The following SHROOM4 variants were observed in gnomAD, a reference collection of about 807,000 sequenced individuals.
SHROOM4 encodes shroom family member 4.
SHROOM4 carries 17 observed loss-of-function variants against 80.3 expected under a neutral mutation model. The ratio of observed to expected loss-of-function variants is 0.21; its 90% CI spans 0.14 to 0.32. The LOEUF (loss-of-function observed/expected upper bound fraction) is 0.32, where lower values mean the gene tolerates loss of function less well. Among genes scored for constraint, SHROOM4 ranks in the 10% least tolerant of loss-of-function variants. The pLI, the probability that SHROOM4 is intolerant of heterozygous loss-of-function variation, is 1.00. For synonymous variants in SHROOM4, 400 were observed against 437.5 expected (o/e 0.91, Z 1.07); for missense variants, 993 against 1,140.3 (o/e 0.87, Z 1.86).
chrX:50,795,146 G>T (rs2382664), intron 1 of SHROOM4, among the ~76,000 whole-genome samples: 1 of 3,068 alleles, frequency 3.3e-4, no homozygotes, highest in African/African-American at 6.0e-4. Context: ...ATATATATAT[G>T]ATATATATAT....
At chrX:50,712,263 T>C (rs1557264447) in intron 1 of SHROOM4, among the ~76,000 whole-genome samples, 1 of 111,794 alleles carries the variant, frequency 8.9e-6, no homozygotes, top group Non-Finnish European at 1.9e-5. Flanking sequence ...AGTGTTCATA[T>C]GTTTCAACTG....
At chrX:50,801,357 A>G (rs1936118711) in intron 1 of SHROOM4, among the ~76,000 whole-genome samples, 1 of 109,318 alleles carries the variant, frequency 9.1e-6, no homozygotes, top group Non-Finnish European at 1.9e-5. Flanking sequence ...GTTCCAGATC[A>G]CTGTCACTTA....
intron 2 of SHROOM4, among the ~76,000 whole-genome samples, chrX:50,667,028 A>T (rs1189396585): frequency 1.8e-5 from 2 of 112,059 alleles, no homozygotes; most frequent in Non-Finnish European, 3.8e-5. Context: ...GGGTGCCAGA[A>T]CAGCCAACCC....
chrX:50,607,116 G>C (rs1194724678), intron 6 of SHROOM4, among the ~76,000 whole-genome samples: 1 of 111,370 alleles, frequency 9.0e-6, no homozygotes, highest in Non-Finnish European at 1.9e-5. Flanking sequence ...CTTTAATAAA[G>C]ATATTTAGGG....
At chrX:50,638,135 A>G in intron 3 of SHROOM4, 39 bp downstream of exon 3, 1 of 1,188,365 alleles carries the variant, frequency 8.4e-7, no homozygotes, top group South Asian at 1.8e-5. Context: ...CAAGGTGTCT[A>G]CCCTCCAGCC....
intron 2 of SHROOM4, among the ~76,000 whole-genome samples, chrX:50,657,879 T>C (rs1932365642): frequency 8.9e-6 from 1 of 112,393 alleles, no homozygotes. Flanking sequence ...GAATTCATAT[T>C]GGGACTTATC....
downstream of SHROOM4, among the ~76,000 whole-genome samples, chrX:50,582,486 T>G (rs1361969466): frequency 8.9e-6 from 1 of 112,249 alleles, no homozygotes; most frequent in Non-Finnish European, 1.9e-5. Flanking sequence ...CTACCCGGAT[T>G]GTTCCCTCTC....
At chrX:50,748,279 GAGA>G (rs1463054986) in intron 1 of SHROOM4, among the ~76,000 whole-genome samples, 1 of 111,731 alleles carries the variant, frequency 9.0e-6, no homozygotes, top group Non-Finnish European at 1.9e-5. Context: ...GAGAGACTTG[GAGA>G]AGATTAGACC....
chrX:50,678,207 A>G (rs1932879366), intron 2 of SHROOM4, among the ~76,000 whole-genome samples: 1 of 111,657 alleles, frequency 9.0e-6, no homozygotes, highest in Non-Finnish European at 1.9e-5. Context: ...AGTAATTTTT[A>G]GCATCAAGAT....
chrX:50,736,752 A>G (rs1464717806), intron 1 of SHROOM4, among the ~76,000 whole-genome samples: 1 of 112,225 alleles, frequency 8.9e-6, no homozygotes, highest in Non-Finnish European at 1.9e-5. Flanking sequence ...TCCTTTGGGT[A>G]TATACCCAGT....
At chrX:50,744,470 T>C (rs1934733782) in intron 1 of SHROOM4, among the ~76,000 whole-genome samples, 1 of 111,823 alleles carries the variant, frequency 8.9e-6, no homozygotes, top group Non-Finnish European at 1.9e-5. Context: ...TTCATTGATA[T>C]TCTTTATTTG....
At chrX:50,675,842 T>A in intron 2 of SHROOM4, among the ~76,000 whole-genome samples, 1 of 111,578 alleles carries the variant, frequency 9.0e-6, no homozygotes, top group Non-Finnish European at 1.9e-5. Flanking sequence ...TAGATTCCCC[T>A]CAATGCATTA....
At chrX:50,614,167 A>G (rs1203308313) in intron 5 of SHROOM4, among the ~76,000 whole-genome samples, 3 of 112,771 alleles carry the variant, frequency 2.7e-5, no homozygotes, top group Non-Finnish European at 5.6e-5. Context: ...TCAATTGTCA[A>G]AAAAATACCA....
At chrX:50,659,963 G>A in intron 2 of SHROOM4, among the ~76,000 whole-genome samples, 1 of 112,200 alleles carries the variant, frequency 8.9e-6, no homozygotes, top group Middle Eastern at 4.6e-3. Context: ...ATTTCACCAA[G>A]TGAACTTTTT....
intron 2 of SHROOM4, among the ~76,000 whole-genome samples, chrX:50,663,519 T>C (rs1193766584): frequency 9.1e-6 from 1 of 109,972 alleles, no homozygotes; most frequent in Non-Finnish European, 1.9e-5. Context: ...TACTTATTCA[T>C]CTGCTTGCAA....
rs185853664 is a variant in SHROOM4, at chrX:50,672,755, C to A, written c.269+23031G>T. On this transcript the variant is annotated intron_variant, in intron 2 of 8. Transcript: ENST00000376020. ...CACATCTTAGTCAAAAGTCTGAAAG[C>A]TAAAGACAAACAAAAAAATCTTGAA... Among the ~76,000 whole-genome samples, 27 of 111,480 alleles carry A rather than the reference C, an allele frequency of 2.4e-4. 2 individuals are homozygous for A. The East Asian group carries it at 5.9e-3, about 24-fold the overall frequency.
intron 2 of SHROOM4, among the ~76,000 whole-genome samples, chrX:50,675,165 C>T (rs1476002844): frequency 9.0e-6 from 1 of 110,888 alleles, no homozygotes; most frequent in Non-Finnish European, 1.9e-5. Flanking sequence ...CACACTGGGG[C>T]CTTTTGGAAG....
At position 50,626,428 on chromosome X, in the gene SHROOM4, A is replaced by C. The variant is rs191672439; in HGVS notation, c.2957+1186T>G. Among the ~76,000 whole-genome samples, 13 of 112,102 alleles carry C rather than the reference A, an allele frequency of 1.2e-4. No homozygotes were observed. The East Asian group carries it at 2.8e-3, about 24-fold the overall frequency. On this transcript the variant is annotated intron_variant, in intron 5 of 8. Coordinates refer to ENST00000376020, the MANE Select transcript of SHROOM4 (RefSeq NM_020717.5). ...AAAAGCTGGGCTTAATTCCTAGCTT[A>C]TCCCTTTACTAGCTGTGAGACCTTG...
chrX:50,786,900 A>G (rs1029628049), intron 1 of SHROOM4, among the ~76,000 whole-genome samples: 53 of 111,636 alleles, frequency 4.7e-4, no homozygotes, highest in African/African-American at 1.7e-3. Flanking sequence ...AAAAATTTCA[A>G]AAAAGAGATA....
Sources: allele counts gnomAD v4.1 joint callset (sites outside exome capture counted in the v4.1 genomes callset), GRCh38; gene constraint gnomAD v4.1.1; transcripts MANE v1.5; gene names NCBI Gene and HGNC (gene_info 2026-07-23, HGNC 2026-07-21).